LPP: variants seen among roughly 807,000 people sequenced by gnomAD.
LPP encodes the protein lipoma-preferred partner.
LPP carries 38 observed loss-of-function variants against 60.4 expected under a neutral mutation model. That is an observed-to-expected ratio of 0.63 (90% CI 0.49 to 0.83). The LOEUF is 0.83. LPP is among the 40% of genes least tolerant of loss of function. The probability of loss-of-function intolerance (pLI) is 0.00; values close to 1 mark genes in which losing one functional copy is unlikely to be tolerated. For synonymous variants in LPP, 328 were observed against 290.8 expected, an observed-to-expected ratio of 1.13 and a Z score of -1.30; for missense variants, 902 against 783.6, an observed-to-expected ratio of 1.15 and a Z score of -1.80.
At chr3:188,252,160 C>T (rs1242807152) in intron 2 of LPP, among the ~76,000 whole-genome samples, 1 of 99,514 alleles carries the variant, frequency 1.0e-5, no homozygotes, top group Non-Finnish European at 2.0e-5. Flanking sequence ...AATGCCCCTT[C>T]TTCCCCAAAC....
chr3:188,815,588 G>A (rs1350477809), intron 9 of LPP, among the ~76,000 whole-genome samples: 1 of 151,922 alleles, frequency 6.6e-6, no homozygotes, highest in East Asian at 1.9e-4. Flanking sequence ...CTTACGCTTA[G>A]GCAAGAACTC....
At chr3:188,371,641 A>ATTTTTTTT (rs1158606459) in intron 3 of LPP, among the ~76,000 whole-genome samples, 3 of 32,172 alleles carry the variant, frequency 9.3e-5, no homozygotes, top group African/African-American at 1.2e-4. Flanking sequence ...ATATATATAT[A>ATTTTTTTT]TTTTTTTTTT....
At chr3:188,821,172 T>A (rs1178233451) in intron 9 of LPP, among the ~76,000 whole-genome samples, 1 of 151,696 alleles carries the variant, frequency 6.6e-6, no homozygotes, top group Admixed American at 6.6e-5. Context: ...AACTTTTAGT[T>A]ACAGGTTGAA....
chr3:188,314,889 A>C (rs907573834), intron 2 of LPP, among the ~76,000 whole-genome samples: 26 of 152,144 alleles, frequency 1.7e-4, no homozygotes, highest in Non-Finnish European at 3.7e-4. Context: ...TAACATTTAC[A>C]TGGGTTATTT....
At chr3:188,363,694 C>T (rs537624895) in intron 3 of LPP, among the ~76,000 whole-genome samples, 140 of 152,176 alleles carry the variant, frequency 9.2e-4, no homozygotes, top group Non-Finnish European at 1.9e-3. Context: ...ATCACGAGGT[C>T]AGGAGTTCAA....
At chr3:188,236,048 G>A (rs543183554) in intron 2 of LPP, among the ~76,000 whole-genome samples, 1 of 151,892 alleles carries the variant, frequency 6.6e-6, no homozygotes, top group Non-Finnish European at 1.5e-5. Context: ...CTATTTGCTA[G>A]ACACTATTCC....
chr3:188,524,762 C>A lies in LPP; in HGVS notation c.404C>A (p.Ser135Tyr), dbSNP rs767696813. 29 of 1,613,996 alleles carry A rather than the reference C, an allele frequency of 1.8e-5. No individual in the cohort carries two copies. The South Asian group carries it at 3.1e-4, about 17-fold the overall frequency. ...TSILADLECS[S>Y]PYKPRPPQSS... The stretch of plus-strand genomic sequence containing the variant: ...ATCTTGGCTGACCTTGAGTGCAGCT[C>A]CCCCTATAAGCCTCGGCCTCCACAG... The change falls in exon 6 of 12, where the codon TCC (serine) becomes TAC (tyrosine). Residue 135 changes from serine (S) to tyrosine (Y), a missense_variant. Physicochemically the swap from Ser to Tyr is moderately radical, Grantham distance 144. Transcript: ENST00000617246.
intron 4 of LPP, among the ~76,000 whole-genome samples, chr3:188,411,338 A>G (rs547565281): frequency 6.6e-6 from 1 of 152,292 alleles, no homozygotes; most frequent in East Asian, 1.9e-4. Flanking sequence ...TACAACTGCT[A>G]TGAAAAACAA....
chr3:188,473,076 G>T (rs940943523), intron 4 of LPP, among the ~76,000 whole-genome samples: 1 of 152,064 alleles, frequency 6.6e-6, no homozygotes, highest in Non-Finnish European at 1.5e-5. Context: ...TATAAAAAAA[G>T]TTATTGGACT....
intron 2 of LPP, among the ~76,000 whole-genome samples, chr3:188,268,301 A>G (rs1327479770): frequency 6.6e-6 from 1 of 152,204 alleles, no homozygotes; most frequent in East Asian, 1.9e-4. Flanking sequence ...AAAAAACAAA[A>G]ACACAAAACC....
chr3:188,691,490 G>A (rs1353302730), intron 7 of LPP, among the ~76,000 whole-genome samples: 1 of 152,170 alleles, frequency 6.6e-6, no homozygotes, highest in Non-Finnish European at 1.5e-5. Flanking sequence ...ATAAAAAGGT[G>A]GATGGTGACG....
At chr3:188,779,664 G>A (rs1739005381) in intron 9 of LPP, among the ~76,000 whole-genome samples, 1 of 151,600 alleles carries the variant, frequency 6.6e-6, no homozygotes, top group South Asian at 2.1e-4. Context: ...TTTTAAATAA[G>A]TGTAATTCCA....
chr3:188,197,479 C>G (rs938024805), intron 1 of LPP, among the ~76,000 whole-genome samples: 13 of 152,158 alleles, frequency 8.5e-5, no homozygotes, highest in Admixed American at 8.5e-4. Flanking sequence ...TGTGAGCTGC[C>G]TTGGAGGAAG....
chr3:188,177,312 G>T (rs1723342765), intron 1 of LPP, among the ~76,000 whole-genome samples: 1 of 152,214 alleles, frequency 6.6e-6, no homozygotes, highest in Non-Finnish European at 1.5e-5. Context: ...GTTGAAGTGA[G>T]ATGGATACCA....
chr3:188,384,915 C>G (rs1460828684), intron 3 of LPP, among the ~76,000 whole-genome samples: 1 of 151,752 alleles, frequency 6.6e-6, no homozygotes, highest in Non-Finnish European at 1.5e-5. Flanking sequence ...GCTGCTGTCC[C>G]TCGTGTGTTT....
intron 7 of LPP, among the ~76,000 whole-genome samples, chr3:188,667,845 A>G (rs1856138041): frequency 6.6e-6 from 1 of 151,502 alleles, no homozygotes; most frequent in South Asian, 2.1e-4. Flanking sequence ...AGAGGTTCTG[A>G]GAAATTTGTG....
chr3:188,737,608 A>G (rs1392052002), intron 8 of LPP, among the ~76,000 whole-genome samples: 2 of 152,150 alleles, frequency 1.3e-5, no homozygotes, highest in African/African-American at 4.8e-5. Context: ...GCAAATATTC[A>G]GTGTGTTCTT....
At position 188,211,953 on chromosome 3, in the gene LPP, G is replaced by A. The variant is rs572092443; in HGVS notation, c.-189-13452G>A. ...GGCTCACTGCAACCTCCGCCTCCCG[G>A]GTTCAAGTGATACTCCTGCCTCAGC... On this transcript the variant is annotated intron_variant, in intron 1 of 11. Coordinates refer to ENST00000617246, the MANE Select transcript of LPP (RefSeq NM_001375462.1). Among the ~76,000 whole-genome samples the A allele has an allele frequency of 1.6e-4, 24 of 152,184 alleles. 1 individual carries two copies. Among genetic ancestry groups the A allele is most frequent in the African/African-American group, 5.3e-4 (22 of 41,548 alleles).
At chr3:188,190,800 A>C (rs1727951374) in intron 1 of LPP, among the ~76,000 whole-genome samples, 1 of 152,238 alleles carries the variant, frequency 6.6e-6, no homozygotes, top group Non-Finnish European at 1.5e-5. Context: ...CCCGGCCATA[A>C]TGTGAACCAA....
Sources: gnomAD v4.1 joint callset for allele counts (sites outside exome capture counted in the v4.1 genomes callset) on GRCh38, gnomAD v4.1.1 for gene constraint, MANE v1.5 for transcripts, NCBI Gene and HGNC (gene_info 2026-07-23, HGNC 2026-07-21) for gene names.